The following FHIT variants were observed in gnomAD, a reference collection of about 807,000 sequenced individuals.
The protein encoded by FHIT is bis(5'-adenosyl)-triphosphatase.
A neutral mutation model predicts 17.9 loss-of-function variants in FHIT; 19 were observed. That is an observed-to-expected ratio of 1.06 (90% CI 0.74 to 1.56). The LOEUF is 1.56. Among genes scored for constraint, FHIT ranks in the 40% most tolerant of loss-of-function variants. The pLI, the probability that FHIT is intolerant of heterozygous loss-of-function variation, is 0.00. For missense variants in FHIT, 248 were observed against 189.2 expected (o/e 1.31, Z -1.82); for synonymous variants, 81 against 69.7 (o/e 1.16, Z -0.81).
At chr3:60,024,593 C>T (rs1212119651) in intron 5 of FHIT, among the ~76,000 whole-genome samples, 1 of 152,228 alleles carries the variant, frequency 6.6e-6, no homozygotes, top group East Asian at 1.9e-4. Context: ...CAGTCATCCT[C>T]TCCCTTCCAA....
intron 8 of FHIT, among the ~76,000 whole-genome samples, chr3:59,802,921 A>G (rs955235662): frequency 2.6e-5 from 4 of 152,084 alleles, no homozygotes; most frequent in Non-Finnish European, 5.9e-5. Flanking sequence ...ATTTATTGGA[A>G]CACTTTCTAT....
chr3:60,071,784 T>C (rs1434247608), intron 5 of FHIT, among the ~76,000 whole-genome samples: 6 of 152,330 alleles, frequency 3.9e-5, no homozygotes, highest in African/African-American at 1.2e-4. Flanking sequence ...TGTTATGAGA[T>C]GGACCCGGTG....
chr3:60,740,900 C>T (rs1238109591), intron 4 of FHIT, among the ~76,000 whole-genome samples: 1 of 152,126 alleles, frequency 6.6e-6, no homozygotes, highest in East Asian at 1.9e-4. Flanking sequence ...CTAGGAGTAA[C>T]ATTCTAAGTG....
chr3:60,492,733 C>T (rs2034120345), intron 5 of FHIT, among the ~76,000 whole-genome samples: 1 of 151,958 alleles, frequency 6.6e-6, no homozygotes, highest in African/African-American at 2.4e-5. Flanking sequence ...TCTTGAACTC[C>T]TGACCTCAGG....
intron 7 of FHIT, among the ~76,000 whole-genome samples, chr3:59,956,776 A>G (rs1044830582): frequency 1.3e-5 from 2 of 152,234 alleles, no homozygotes; most frequent in Admixed American, 6.5e-5. Flanking sequence ...ATATTCAATA[A>G]AACAAAATGT....
At chr3:60,297,064 C>G (rs1225813707) in intron 5 of FHIT, among the ~76,000 whole-genome samples, 1 of 151,964 alleles carries the variant, frequency 6.6e-6, no homozygotes, top group African/African-American at 2.4e-5. Flanking sequence ...AGTCTTGAAA[C>G]TGGATGATAG....
intron 4 of FHIT, among the ~76,000 whole-genome samples, chr3:60,629,898 C>T (rs1176442997): frequency 2.0e-5 from 3 of 152,188 alleles, no homozygotes; most frequent in Admixed American, 2.0e-4. Context: ...CTCTAGTATT[C>T]TCAGAGCCTA....
chr3:60,884,506 A>T (rs1553758804), intron 3 of FHIT, among the ~76,000 whole-genome samples: 1 of 152,216 alleles, frequency 6.6e-6, no homozygotes, highest in Non-Finnish European at 1.5e-5. Context: ...AAAATGTGGT[A>T]TATACACACA....
intron 7 of FHIT, among the ~76,000 whole-genome samples, chr3:59,985,880 C>T (rs1708875766): frequency 6.6e-6 from 1 of 151,940 alleles, no homozygotes; most frequent in Admixed American, 6.6e-5. Context: ...GGAAATGAAA[C>T]CTACTTGACA....
chr3:60,682,688 G>C (rs959040326), intron 4 of FHIT, among the ~76,000 whole-genome samples: 1 of 152,212 alleles, frequency 6.6e-6, no homozygotes, highest in Non-Finnish European at 1.5e-5. Flanking sequence ...GGAAATGAAT[G>C]TTGTTTTCAT....
At chr3:60,900,767 G>A (rs1706074727) in intron 3 of FHIT, among the ~76,000 whole-genome samples, 1 of 151,964 alleles carries the variant, frequency 6.6e-6, no homozygotes, top group Non-Finnish European at 1.5e-5. Flanking sequence ...TGACTCTAAT[G>A]GGACAAAGTA....
At chr3:60,545,317 T>C (rs1388686614) in intron 4 of FHIT, among the ~76,000 whole-genome samples, 1 of 152,224 alleles carries the variant, frequency 6.6e-6, no homozygotes, top group Non-Finnish European at 1.5e-5. Context: ...AATGAACTTC[T>C]GGTTCTTTGG....
intron 8 of FHIT, among the ~76,000 whole-genome samples, chr3:59,762,997 CA>C (rs1701602392): frequency 6.6e-6 from 1 of 152,136 alleles, no homozygotes; most frequent in Non-Finnish European, 1.5e-5. Flanking sequence ...AGCATTTATT[CA>C]AAAAGCAATT....
At chr3:60,984,634 G>C (rs1710641688) in intron 3 of FHIT, among the ~76,000 whole-genome samples, 1 of 152,158 alleles carries the variant, frequency 6.6e-6, no homozygotes, top group African/African-American at 2.4e-5. Flanking sequence ...CTTTCCCTTA[G>C]AGTAGTAAGT....
At chr3:60,321,852 T>C (rs1170171976) in intron 5 of FHIT, among the ~76,000 whole-genome samples, 1 of 152,176 alleles carries the variant, frequency 6.6e-6, no homozygotes, top group Non-Finnish European at 1.5e-5. Context: ...TCTTCAGTGG[T>C]AGAAGGGGCA....
chr3:60,560,383 T>C (rs987297624), intron 4 of FHIT, among the ~76,000 whole-genome samples: 25 of 152,026 alleles, frequency 1.6e-4, no homozygotes, highest in Non-Finnish European at 3.5e-4. Flanking sequence ...GAGATTGGGA[T>C]TGCCTATCAG....
intron 7 of FHIT, among the ~76,000 whole-genome samples, chr3:59,929,363 G>GTTTTTTTTTTTTTTTTTTTTTT (rs869243844): frequency 1.5e-5 from 1 of 67,052 alleles, no homozygotes; most frequent in East Asian, 4.2e-4. Flanking sequence ...TGTTTTTTTG[G>GTTTTTTTTTTTTTTTTTTTTTT]TTTTTTTTTT....
chr3:59,827,159 G>A (rs576598843), intron 8 of FHIT, among the ~76,000 whole-genome samples: 2 of 152,328 alleles, frequency 1.3e-5, no homozygotes, highest in East Asian at 1.9e-4. Flanking sequence ...GGCTGTGCCT[G>A]TGTTACCTGC....
At chr3:60,601,174 G>A (rs868931665) in intron 4 of FHIT, among the ~76,000 whole-genome samples, 6 of 152,194 alleles carry the variant, frequency 3.9e-5, no homozygotes, top group African/African-American at 7.2e-5. Context: ...ATAGGATCTC[G>A]GAAGATACAG....
Sources: allele counts gnomAD v4.1 joint callset (sites outside exome capture counted in the v4.1 genomes callset), GRCh38; gene constraint gnomAD v4.1.1; transcripts MANE v1.5; gene names NCBI Gene and HGNC (gene_info 2026-07-23, HGNC 2026-07-21).